The following NAPEPLD variants were observed in gnomAD, a reference collection of about 807,000 sequenced individuals.
The protein encoded by NAPEPLD is N-acyl-phosphatidylethanolamine-hydrolyzing phospholipase D.
A neutral mutation model predicts 38.1 loss-of-function variants in NAPEPLD; 23 were observed. That is an observed-to-expected ratio of 0.60 (90% CI 0.43 to 0.86). NAPEPLD has a LOEUF of 0.86. Ranked by LOEUF, NAPEPLD falls within the 40% of genes least tolerant of loss-of-function variation. The probability of loss-of-function intolerance (pLI) is 0.00; values close to 1 mark genes in which losing one functional copy is unlikely to be tolerated. For missense variants in NAPEPLD, 411 were observed against 476.8 expected (o/e 0.86, Z 1.28); for synonymous variants, 147 against 162.0 (o/e 0.91, Z 0.71).
chr7:103,103,324 T>TC lies in NAPEPLD; in HGVS notation c.*104dup, dbSNP rs2129525938. 1 of 1,338,328 alleles carries TC rather than the reference T, an allele frequency of 7.5e-7. No individual in the cohort carries two copies. Among genetic ancestry groups the TC allele is most frequent in the African/African-American group, 1.5e-5 (1 of 67,350 alleles). 82.9% of individuals were successfully genotyped at this position (1,338,328 alleles called of 1,614,324 possible). A position where few individuals can be genotyped will look rare whatever the true frequency, so the allele number is the denominator to read the frequency against. ...AAAACATAAACTTGCAGAAGTTGTT[T>TC]CCAAATGTAAAATAATCACAATATT... On this transcript the variant is annotated 3_prime_UTR_variant, in exon 5 of 5. Transcript: ENST00000465647.
intron 4 of NAPEPLD, among the ~76,000 whole-genome samples, chr7:103,106,914 T>C (rs1803487843): frequency 6.6e-6 from 1 of 152,182 alleles, no homozygotes; most frequent in African/African-American, 2.4e-5. Context: ...AGGGACAGAC[T>C]GCCTCCTCAA....
chr7:103,105,876 C>T (rs564344331), intron 4 of NAPEPLD, among the ~76,000 whole-genome samples: 9 of 143,938 alleles, frequency 6.3e-5, no homozygotes, highest in African/African-American at 2.1e-4. Context: ...GAGGTTGCAG[C>T]GCGCCGAGAT....
intron 1 of NAPEPLD, among the ~76,000 whole-genome samples, chr7:103,132,054 C>T (rs1340881567): frequency 6.6e-6 from 1 of 152,102 alleles, no homozygotes; most frequent in African/African-American, 2.4e-5. Context: ...GCGGAGGTTG[C>T]GGAGACTCCG....
At chr7:103,133,667 G>A (rs1809450318) in intron 1 of NAPEPLD, among the ~76,000 whole-genome samples, 1 of 152,182 alleles carries the variant, frequency 6.6e-6, no homozygotes, top group African/African-American at 2.4e-5. Context: ...AGCTCTTCAA[G>A]CTTGACAAAC....
Position 103,148,920 on chromosome 7 carries a change from C to G in NAPEPLD, c.-126G>C. On this transcript the variant is annotated 5_prime_UTR_variant, in exon 1 of 5. Coordinates refer to ENST00000465647, the MANE Select transcript of NAPEPLD (RefSeq NM_001122838.3). ...GAAAAAAAATAATGCTGTGGCTCTT[C>G]ACCGAGGCAGCTTCAGAGATGCAGG... The G allele has an allele frequency of 1.0e-6, 1 of 985,418 alleles. No homozygotes were observed. The highest frequency in any genetic ancestry group is 1.2e-6 in the Non-Finnish European group (1 of 829,936). The allele number at this position is 985,418 out of a possible 1,614,324, so 61.0% of individuals were successfully genotyped here.
Position 103,100,498 on chromosome 7 carries a change from A to G in NAPEPLD, c.*2931T>C, listed in dbSNP as rs1802247349. The G allele has an allele frequency of 6.6e-6, 1 of 152,214 alleles. No homozygotes were observed. The highest frequency in any genetic ancestry group is 2.4e-5 in the African/African-American group (1 of 41,452). 9.4% of individuals were successfully genotyped at this position (152,214 alleles called of 1,614,324 possible). A position where few individuals can be genotyped will look rare whatever the true frequency, so the allele number is the denominator to read the frequency against. On this transcript the variant is annotated 3_prime_UTR_variant, in exon 5 of 5. Coordinates refer to ENST00000465647, the MANE Select transcript of NAPEPLD (RefSeq NM_001122838.3). ...AAGATGCACAAATACATCTTTTCCTACGTAGGTCACGGCATATGTTGGCTT... is the reference window on the plus strand; with the variant it reads ...AAGATGCACAAATACATCTTTTCCTGCGTAGGTCACGGCATATGTTGGCTT...
At chr7:103,141,760 G>T in intron 1 of NAPEPLD, 1 of 852,456 alleles carries the variant, frequency 1.2e-6, no homozygotes, top group Non-Finnish European at 2.1e-6. Flanking sequence ...GGCATCAAGC[G>T]GGGGAATGGA....
intron 2 of NAPEPLD, among the ~76,000 whole-genome samples, chr7:103,121,303 C>A (rs1250036164): frequency 6.6e-6 from 1 of 152,208 alleles, no homozygotes; most frequent in Non-Finnish European, 1.5e-5. Flanking sequence ...AAGGTTGCAG[C>A]ATCACAGTCC....
chr7:103,149,676 TCAAA>T (rs1813324890), upstream of NAPEPLD: 1 of 286,308 alleles, frequency 3.5e-6, no homozygotes, highest in Admixed American at 5.8e-5. Context: ...GCCTCGCGAC[TCAAA>T]CACTCTGCAG....
At chr7:103,120,262 A>G in intron 2 of NAPEPLD, 39 bp from the exon 3 acceptor site, 11 of 1,561,904 alleles carry the variant, frequency 7.0e-6, no homozygotes, top group Non-Finnish European at 7.8e-6. Flanking sequence ...GAGTAGTTAG[A>G]AAAAAAAGTA....
At chr7:103,116,515 G>A (rs1327539995) in intron 3 of NAPEPLD, among the ~76,000 whole-genome samples, 1 of 152,196 alleles carries the variant, frequency 6.6e-6, no homozygotes, top group African/African-American at 2.4e-5. Flanking sequence ...AAAAGAATTT[G>A]TATGTCCTGC....
rs796209849 is a variant in NAPEPLD, at chr7:103,143,074, A to AAC, written c.-17+5736_-17+5737insGT. Among the ~76,000 whole-genome samples the AAC allele has an allele frequency of 7.6e-3, 280 of 36,860 alleles. 1 individual carries two copies. The highest frequency in any genetic ancestry group is 0.037 in the East Asian group (2 of 54). 24.2% of individuals were successfully genotyped at this position (36,860 alleles called of 152,430 possible). On this transcript the variant is annotated intron_variant, in intron 1 of 4. Transcript: ENST00000465647. The stretch of plus-strand genomic sequence containing the variant: ...CTCTGTCTCTACAAAAAAAAAAACA[A>AAC]AAAAACAAAAAAACAAACACACACA...
At chr7:103,114,997 G>A in intron 4 of NAPEPLD, 63 bp downstream of exon 4, 1 of 1,251,628 alleles carries the variant, frequency 8.0e-7, no homozygotes, top group Non-Finnish European at 1.2e-6. Context: ...CTAAGGAACA[G>A]TGATGCCTGA....
chr7:103,149,684 T>G (rs946385702), upstream of NAPEPLD: 9 of 276,654 alleles, frequency 3.3e-5, no homozygotes, highest in Admixed American at 5.8e-5. Flanking sequence ...ACTCAAACAC[T>G]CTGCAGGGAC....
intron 1 of NAPEPLD, 142 bp downstream of exon 1, chr7:103,148,669 A>T: frequency 4.9e-6 from 2 of 404,840 alleles, no homozygotes; most frequent in Non-Finnish European, 6.7e-6. Context: ...TTAAATAAGT[A>T]CACTTATTCC....
chr7:103,137,617 T>C (rs1810333745), intron 1 of NAPEPLD, among the ~76,000 whole-genome samples: 1 of 152,072 alleles, frequency 6.6e-6, no homozygotes, highest in Admixed American at 6.5e-5. Flanking sequence ...TCATTTCCGG[T>C]ATAATCAATT....
At position 103,103,286 on chromosome 7, in the gene NAPEPLD, T is replaced by C; in HGVS notation, c.*143A>G. On this transcript the variant is annotated 3_prime_UTR_variant, in exon 5 of 5. Transcript: ENST00000465647. Reference sequence around the variant, plus strand: ...GCTGATCATACTAGGAAGCAAGTTATTACACAAAACATAAAACATAAACTT... The same window carrying C: ...GCTGATCATACTAGGAAGCAAGTTACTACACAAAACATAAAACATAAACTT... 1.9e-6 allele frequency: 2 copies of C among 1,031,764 alleles called. No individual in the cohort carries two copies. The highest frequency in any genetic ancestry group is 2.8e-6 in the Non-Finnish European group (2 of 721,948). The allele number at this position is 1,031,764 out of a possible 1,614,324, so 63.9% of individuals were successfully genotyped here.
chr7:103,109,088 G>C (rs1486031485), intron 4 of NAPEPLD, among the ~76,000 whole-genome samples: 1 of 152,136 alleles, frequency 6.6e-6, no homozygotes, highest in Non-Finnish European at 1.5e-5. Context: ...GATTCATAAA[G>C]CAAGTTCTTA....
At chr7:103,118,846 C>T (rs886714840) in intron 3 of NAPEPLD, among the ~76,000 whole-genome samples, 12 of 152,318 alleles carry the variant, frequency 7.9e-5, no homozygotes, top group African/African-American at 2.9e-4. Flanking sequence ...TGACCTTTCG[C>T]TGCTCTGAAA....
Sources: allele counts gnomAD v4.1 joint callset (sites outside exome capture counted in the v4.1 genomes callset), GRCh38; gene constraint gnomAD v4.1.1; transcripts MANE v1.5; gene names NCBI Gene and HGNC (gene_info 2026-07-23, HGNC 2026-07-21).